The following KLHL29 variants were observed in gnomAD, a reference collection of about 807,000 sequenced individuals.
KLHL29 encodes kelch-like protein 29.
In KLHL29, 21 loss-of-function variants were observed where a neutral mutation model predicts 80.4. The observed-to-expected ratio is 0.26, with a 90% CI of 0.19 to 0.38. The LOEUF (loss-of-function observed/expected upper bound fraction) is 0.38, where lower values mean the gene tolerates loss of function less well. KLHL29 is among the 10% of genes least tolerant of loss of function. The probability of loss-of-function intolerance (pLI) is 1.00; values close to 1 mark genes in which losing one functional copy is unlikely to be tolerated. For synonymous variants in KLHL29, 511 were observed against 526.8 expected (o/e 0.97, Z 0.41); for missense variants, 867 against 1,223.9 (o/e 0.71, Z 4.35).
intron 8 of KLHL29, among the ~76,000 whole-genome samples, chr2:23,693,736 G>A (rs565264194): frequency 3.0e-4 from 45 of 152,320 alleles, no homozygotes; most frequent in African/African-American, 9.9e-4. Flanking sequence ...GACCCAAGTC[G>A]GCCAAGAGCC....
chr2:23,653,995 C>T (rs1670162759), intron 5 of KLHL29, among the ~76,000 whole-genome samples: 2 of 152,032 alleles, frequency 1.3e-5, no homozygotes, highest in Non-Finnish European at 2.9e-5. Flanking sequence ...GGCAAAACCC[C>T]ATCTCTACTA....
At position 23,562,413 on chromosome 2, in the gene KLHL29, T is replaced by C. The variant is rs551254102; in HGVS notation, c.217T>C (p.Cys73Arg). The C allele has an allele frequency of 1.6e-5, 24 of 1,538,090 alleles. No individual in the cohort carries two copies. The highest frequency in any genetic ancestry group is 2.0e-5 in the Admixed American group (1 of 50,968). The change falls in exon 3 of 14, where the codon TGC becomes CGC. Residue 73 changes from cysteine to arginine, a missense_variant. Physicochemically the swap from Cys to Arg is radical, Grantham distance 180 (BLOSUM62 -3). Transcript: ENST00000486442. The surrounding 1 kb of genome is among the most constrained non-coding windows in gnomAD (Gnocchi z 4.5). ...LPTPATAPAP[C>R]TTGSSEAITS... is the part of the protein sequence containing the mutation. ...CACCCCGGCTACAGCTCCTGCTCCC[T>C]GCACCACCGGCAGCAGCGAGGCCAT...
intron 5 of KLHL29, among the ~76,000 whole-genome samples, chr2:23,645,888 G>A (rs1315983575): frequency 2.0e-5 from 3 of 152,180 alleles, no homozygotes; most frequent in South Asian, 2.1e-4. Context: ...TAGGTCAAGC[G>A]ATTGTCTCTC....
chr2:23,540,729 T>C (rs766907903), intron 2 of KLHL29, among the ~76,000 whole-genome samples: 11 of 152,252 alleles, frequency 7.2e-5, no homozygotes, highest in Non-Finnish European at 1.5e-4. Flanking sequence ...CAGTCACTCA[T>C]GTACTGTTGG....
At chr2:23,572,455 C>A (rs1325683239) in intron 3 of KLHL29, among the ~76,000 whole-genome samples, 5 of 152,148 alleles carry the variant, frequency 3.3e-5, no homozygotes, top group African/African-American at 4.8e-5. Flanking sequence ...GTGAAACTTA[C>A]CCATTTATTT....
At chr2:23,619,909 A>G (rs1669125762) in intron 3 of KLHL29, among the ~76,000 whole-genome samples, 1 of 152,194 alleles carries the variant, frequency 6.6e-6, no homozygotes, top group Non-Finnish European at 1.5e-5. Flanking sequence ...CATAGTATAA[A>G]GTATGGGGTT....
chr2:23,558,993 G>A (rs1230240566), intron 2 of KLHL29, among the ~76,000 whole-genome samples: 3 of 152,236 alleles, frequency 2.0e-5, no homozygotes, highest in Non-Finnish European at 4.4e-5. Context: ...CTGCAGGGAG[G>A]GCGGGCACCA....
intron 3 of KLHL29, among the ~76,000 whole-genome samples, chr2:23,573,761 G>A (rs185757532): frequency 7.2e-5 from 11 of 152,296 alleles, no homozygotes; most frequent in Admixed American, 6.5e-4. Flanking sequence ...AGCCAGGTGG[G>A]GTGGTACAGA....
At chr2:23,590,430 G>C (rs1160020787) in intron 3 of KLHL29, among the ~76,000 whole-genome samples, 1 of 152,156 alleles carries the variant, frequency 6.6e-6, no homozygotes, top group African/African-American at 2.4e-5. Context: ...TCCCCAGATT[G>C]TTTCCTGTAG....
At chr2:23,385,994 GA>G (rs1334711707) in intron 1 of KLHL29, among the ~76,000 whole-genome samples, 3 of 150,370 alleles carry the variant, frequency 2.0e-5, no homozygotes, top group South Asian at 4.1e-4. Context: ...GCTCCAGGGG[GA>G]AAAAAAGGGG....
intron 5 of KLHL29, chr2:23,667,494 C>G (rs1360384188): frequency 3.9e-5 from 6 of 152,336 alleles, no homozygotes; most frequent in Non-Finnish European, 8.8e-5. Flanking sequence ...TCAGATCAGC[C>G]TCCCTCCTCT....
At position 23,454,831 on chromosome 2, in the gene KLHL29, G is replaced by A. The variant is rs566648444; in HGVS notation, c.-153-20729G>A. Reference sequence around the variant, plus strand: ...TTTTGTACAACAAATATTCCTCGGTGCCTCCTGCCCACCAGACACTATGCC... The same window carrying A: ...TTTTGTACAACAAATATTCCTCGGTACCTCCTGCCCACCAGACACTATGCC... On this transcript the variant is annotated intron_variant, in intron 1 of 13. Coordinates refer to ENST00000486442, the MANE Select transcript of KLHL29 (RefSeq NM_052920.2). Among the ~76,000 whole-genome samples, 7 of 151,684 alleles carry A rather than the reference G, an allele frequency of 4.6e-5. No homozygotes were observed. The East Asian group carries it at 1.2e-3, about 25-fold the overall frequency.
intron 1 of KLHL29, among the ~76,000 whole-genome samples, chr2:23,428,928 C>A (rs1381398862): frequency 6.6e-6 from 1 of 152,230 alleles, no homozygotes; most frequent in Admixed American, 6.5e-5. Context: ...TACACCACAT[C>A]TCTCAGCCCA....
At chr2:23,674,583 C>T (rs924359061) in intron 5 of KLHL29, among the ~76,000 whole-genome samples, 8 of 152,210 alleles carry the variant, frequency 5.3e-5, no homozygotes, top group Admixed American at 3.3e-4. Flanking sequence ...AGCCTACCTC[C>T]AGTGGAAAAG....
intron 2 of KLHL29, among the ~76,000 whole-genome samples, chr2:23,552,751 G>A (rs1250346485): frequency 1.3e-5 from 1 of 79,176 alleles, no homozygotes; most frequent in African/African-American, 6.3e-5. Context: ...CTATAGCTCT[G>A]GTTTCTTTTC....
chr2:23,675,763 C>T lies in KLHL29; in HGVS notation c.941-8636C>T, dbSNP rs548933256. Among the ~76,000 whole-genome samples the T allele has an allele frequency of 8.5e-5, 13 of 152,336 alleles. No homozygotes were observed. In the South Asian group the frequency reaches 1.0e-3, roughly 12 times the overall value. ...TAGCAACTGTAGATTGCATACGAAG[C>T]GCAGGGTTATCGCCGTTATTAGCAC... is the stretch of plus-strand genomic sequence containing the variant. On this transcript the variant is annotated intron_variant, in intron 5 of 13. Coordinates refer to ENST00000486442, the MANE Select transcript of KLHL29 (RefSeq NM_052920.2).
At chr2:23,440,631 A>G (rs1663487829) in intron 1 of KLHL29, among the ~76,000 whole-genome samples, 1 of 151,092 alleles carries the variant, frequency 6.6e-6, no homozygotes. Flanking sequence ...CAAATTTACA[A>G]GAAAAAAACA....
chr2:23,645,459 GA>G (rs566633005), intron 5 of KLHL29, among the ~76,000 whole-genome samples: 2 of 147,730 alleles, frequency 1.4e-5, no homozygotes, highest in African/African-American at 2.5e-5. Context: ...CTCCACTTTA[GA>G]AAAAAAAAAG....
chr2:23,386,715 C>T (rs1038269335), intron 1 of KLHL29, among the ~76,000 whole-genome samples: 1 of 152,102 alleles, frequency 6.6e-6, no homozygotes, highest in South Asian at 2.1e-4. Flanking sequence ...CGCGCGGGTG[C>T]CCGCGCTGGG....
Sources: gnomAD v4.1 joint callset for allele counts (sites outside exome capture counted in the v4.1 genomes callset) on GRCh38, gnomAD v4.1.1 for gene constraint, Gnocchi (gnomAD v3.1) non-coding constraint, MANE v1.5 for transcripts, NCBI Gene and HGNC (gene_info 2026-07-23, HGNC 2026-07-21) for gene names.